FTO: variants seen among roughly 807,000 people sequenced by gnomAD.
The protein encoded by FTO is FTO alpha-ketoglutarate dependent dioxygenase.
A neutral mutation model predicts 63.9 loss-of-function variants in FTO; 47 were observed. The ratio of observed to expected loss-of-function variants is 0.74; its 90% CI spans 0.58 to 0.94. The LOEUF is 0.94. Among genes scored for constraint, FTO ranks in the 40% least tolerant of loss-of-function variants. FTO has a pLI of 0.00. For synonymous variants in FTO, 207 were observed against 224.4 expected (o/e 0.92, Z 0.69); for missense variants, 562 against 618.1 (o/e 0.91, Z 0.96).
At chr16:54,017,862 G>A (rs931509072) in intron 8 of FTO, among the ~76,000 whole-genome samples, 5 of 151,926 alleles carry the variant, frequency 3.3e-5, no homozygotes, top group African/African-American at 1.2e-4. Context: ...CCCGCAAATT[G>A]TACTAAGCAG....
At chr16:53,903,344 T>C (rs2081452022) in intron 7 of FTO, among the ~76,000 whole-genome samples, 1 of 151,978 alleles carries the variant, frequency 6.6e-6, no homozygotes, top group Non-Finnish European at 1.5e-5. Context: ...TTGCAACCTT[T>C]GCCTCCTGGG....
chr16:53,761,171 A>T (rs1273047236), intron 1 of FTO, among the ~76,000 whole-genome samples: 1 of 150,490 alleles, frequency 6.6e-6, no homozygotes, highest in Non-Finnish European at 1.5e-5. Context: ...ATCATAGCTC[A>T]CTGCAGCATA....
At chr16:53,919,501 A>G (rs1309999154) in intron 7 of FTO, among the ~76,000 whole-genome samples, 5 of 152,182 alleles carry the variant, frequency 3.3e-5, no homozygotes, top group African/African-American at 1.2e-4. Flanking sequence ...AGAATTCATT[A>G]TACAAAAAAA....
intron 1 of FTO, among the ~76,000 whole-genome samples, chr16:53,710,168 T>G (rs2075730987): frequency 6.6e-6 from 1 of 150,836 alleles, no homozygotes; most frequent in East Asian, 1.9e-4. Context: ...GCAAGCTATC[T>G]TTTATTTATT....
chr16:53,725,683 C>T (rs536737104), intron 1 of FTO, among the ~76,000 whole-genome samples: 1 of 152,246 alleles, frequency 6.6e-6, no homozygotes, highest in South Asian at 2.1e-4. Context: ...GATGTCTTGG[C>T]TTTGTTCCTT....
intron 7 of FTO, among the ~76,000 whole-genome samples, chr16:53,920,470 G>A (rs1332542957): frequency 1.3e-5 from 2 of 152,210 alleles, no homozygotes; most frequent in Non-Finnish European, 2.9e-5. Context: ...TTTTTGTACT[G>A]TCCAGATCGC....
intron 3 of FTO, among the ~76,000 whole-genome samples, chr16:53,832,625 T>C (rs2079172874): frequency 6.6e-6 from 1 of 152,224 alleles, no homozygotes; most frequent in South Asian, 2.1e-4. Context: ...ATTATATATG[T>C]GCACGGTTTT....
chr16:53,716,125 G>A (rs1207534117), intron 1 of FTO, among the ~76,000 whole-genome samples: 1 of 152,158 alleles, frequency 6.6e-6, no homozygotes, highest in Non-Finnish European at 1.5e-5. Context: ...GTTATCAAAA[G>A]CAGAATTCTG....
intron 8 of FTO, among the ~76,000 whole-genome samples, chr16:53,994,997 A>G (rs188381070): frequency 5.0e-4 from 76 of 152,104 alleles, no homozygotes; most frequent in Non-Finnish European, 8.4e-4. Context: ...GCCTCCTCTT[A>G]AGAGGTATTT....
chr16:53,808,348 A>AG (rs1455154085), intron 1 of FTO, among the ~76,000 whole-genome samples: 105 of 152,014 alleles, frequency 6.9e-4, no homozygotes, highest in South Asian at 1.3e-3. Flanking sequence ...AAAAAAAAAA[A>AG]TTTCTTTGTT....
intron 5 of FTO, among the ~76,000 whole-genome samples, chr16:53,877,813 A>T (rs1362474368): frequency 6.6e-6 from 1 of 151,814 alleles, no homozygotes; most frequent in African/African-American, 2.4e-5. Context: ...GAAAAAAATT[A>T]TTCCACATCC....
At chr16:53,976,226 C>T (rs2083436320) in intron 8 of FTO, among the ~76,000 whole-genome samples, 1 of 152,134 alleles carries the variant, frequency 6.6e-6, no homozygotes, top group Admixed American at 6.5e-5. Context: ...AAGAAATTCA[C>T]TTTAATGGAA....
At chr16:53,811,364 T>G (rs2078515213) in intron 2 of FTO, among the ~76,000 whole-genome samples, 1 of 152,198 alleles carries the variant, frequency 6.6e-6, no homozygotes, top group South Asian at 2.1e-4. Context: ...AGCACCTGCA[T>G]GTACATAGCT....
At chr16:53,786,071 C>G (rs1043283057) in intron 1 of FTO, among the ~76,000 whole-genome samples, 1 of 151,982 alleles carries the variant, frequency 6.6e-6, no homozygotes. Context: ...GAGGATAGAC[C>G]ATAGGCAGGG....
chr16:54,073,158 C>T (rs1274949668), intron 8 of FTO, among the ~76,000 whole-genome samples: 8 of 152,088 alleles, frequency 5.3e-5, no homozygotes, highest in Non-Finnish European at 1.2e-4. Context: ...CTGTTGCGTC[C>T]CTATTCAAGC....
intron 1 of FTO, among the ~76,000 whole-genome samples, chr16:53,723,104 G>A (rs1024161578): frequency 6.6e-6 from 1 of 152,144 alleles, no homozygotes; most frequent in Non-Finnish European, 1.5e-5. Context: ...TACCTTGAGG[G>A]AAGCATTTAT....
intron 1 of FTO, among the ~76,000 whole-genome samples, chr16:53,772,470 G>C (rs2077361947): frequency 1.3e-5 from 2 of 151,914 alleles, no homozygotes; most frequent in African/African-American, 4.8e-5. Flanking sequence ...CTTTCATCCT[G>C]TTTTATTTTT....
At chr16:53,823,101 G>T (rs535764089) in intron 2 of FTO, among the ~76,000 whole-genome samples, 1 of 151,630 alleles carries the variant, frequency 6.6e-6, no homozygotes, top group African/African-American at 2.4e-5. Flanking sequence ...TTCCATCTTC[G>T]CCTACTCCAA....
chr16:53,833,465 C>A, intron 3 of FTO, among the ~76,000 whole-genome samples: 1 of 152,116 alleles, frequency 6.6e-6, no homozygotes. Flanking sequence ...TCATAATAGC[C>A]ATCTTTTGGC....
Sources: gnomAD v4.1 joint callset for allele counts (sites outside exome capture counted in the v4.1 genomes callset) on GRCh38, gnomAD v4.1.1 for gene constraint, MANE v1.5 for transcripts, NCBI Gene and HGNC (gene_info 2026-07-23, HGNC 2026-07-21) for gene names.